The following SLC16A12 variants were observed in gnomAD, a reference collection of about 807,000 sequenced individuals.
SLC16A12 encodes monocarboxylate transporter 12.
In SLC16A12, 17 loss-of-function variants were observed where a neutral mutation model predicts 42.4. The observed-to-expected ratio is 0.40, with a 90% CI of 0.27 to 0.60. The LOEUF (loss-of-function observed/expected upper bound fraction) is 0.60. SLC16A12 is among the 20% of genes least tolerant of loss of function. The pLI, the probability that SLC16A12 is intolerant of heterozygous loss-of-function variation, is 0.42. For synonymous variants in SLC16A12, 224 were observed against 229.4 expected (o/e 0.98, Z 0.21); for missense variants, 544 against 623.0 (o/e 0.87, Z 1.35).
intron 2 of SLC16A12, among the ~76,000 whole-genome samples, chr10:89,472,487 CTTTTTTTTTTTT>C (rs71022567): frequency 1.0e-4 from 9 of 89,896 alleles, no homozygotes; most frequent in African/African-American, 2.5e-4. Context: ...TCTTTTCTTT[CTTTTTTTTTTTT>C]TTTTTTTTTT....
chr10:89,537,165 T>TA (rs1186991213), upstream of SLC16A12, among the ~76,000 whole-genome samples: 16,161 of 144,906 alleles, frequency 0.11, 1,823 homozygotes, highest in African/African-American at 0.28. Context: ...TTTTTTTTTT[T>TA]GGGAAGGAGT....
chr10:89,503,345 A>G (rs1843015094), intron 2 of SLC16A12, among the ~76,000 whole-genome samples: 1 of 152,236 alleles, frequency 6.6e-6, no homozygotes, highest in Non-Finnish European at 1.5e-5. Flanking sequence ...AAACCCACAA[A>G]CAATGAATGC....
intron 2 of SLC16A12, among the ~76,000 whole-genome samples, chr10:89,525,219 T>C (rs1303604598): frequency 3.1e-5 from 1 of 32,758 alleles, no homozygotes; most frequent in Non-Finnish European, 5.1e-5. Flanking sequence ...AGACACCATA[T>C]CAAAAAAAAA....
intron 2 of SLC16A12, among the ~76,000 whole-genome samples, chr10:89,497,545 T>C (rs303181): frequency 0.24 from 36,533 of 152,032 alleles, 5,033 homozygotes; most frequent in Non-Finnish European, 0.32. Context: ...GAATTCTACA[T>C]GGTGTGGGGG....
intron 2 of SLC16A12, among the ~76,000 whole-genome samples, chr10:89,474,890 C>G (rs974928370): frequency 2.0e-5 from 3 of 152,210 alleles, no homozygotes; most frequent in Non-Finnish European, 2.9e-5. Context: ...GATTCTACCT[C>G]AGGTCTGATT....
chr10:89,478,253 T>C (rs114059099), intron 2 of SLC16A12, among the ~76,000 whole-genome samples: 3 of 152,078 alleles, frequency 2.0e-5, no homozygotes, highest in Non-Finnish European at 4.4e-5. Context: ...GATCTGACAG[T>C]GAAAGAACCA....
At chr10:89,489,487 T>C (rs1465550565) in intron 2 of SLC16A12, among the ~76,000 whole-genome samples, 1 of 152,084 alleles carries the variant, frequency 6.6e-6, no homozygotes, top group Non-Finnish European at 1.5e-5. Context: ...TACAGACTCA[T>C]GCCACTGTAC....
chr10:89,491,447 A>G (rs1353148853), intron 2 of SLC16A12, among the ~76,000 whole-genome samples: 1 of 152,158 alleles, frequency 6.6e-6, no homozygotes, highest in African/African-American at 2.4e-5. Context: ...AAGTGCGCAT[A>G]CCAAGTAAGA....
chr10:89,471,735 A>T (rs1304157043), intron 2 of SLC16A12, among the ~76,000 whole-genome samples: 1 of 152,190 alleles, frequency 6.6e-6, no homozygotes, highest in African/African-American at 2.4e-5. Flanking sequence ...TGGTTGTGTG[A>T]TATTTTCAGT....
At chr10:89,434,270 T>C (rs1477813136) in intron 7 of SLC16A12, among the ~76,000 whole-genome samples, 6 of 152,168 alleles carry the variant, frequency 3.9e-5, no homozygotes, top group Non-Finnish European at 7.4e-5. Context: ...GAAAGGTAAA[T>C]AAATAAGAAA....
intron 2 of SLC16A12, among the ~76,000 whole-genome samples, chr10:89,492,541 C>T (rs1842861487): frequency 6.6e-6 from 1 of 151,986 alleles, no homozygotes; most frequent in Admixed American, 6.6e-5. Flanking sequence ...GAGTTCGAGA[C>T]CAGCCTGATA....
chr10:89,486,667 A>G lies in SLC16A12; in HGVS notation c.-46-24043T>C, dbSNP rs201286740. The stretch of plus-strand genomic sequence containing the variant: ...AGAAAGAAAGAAAGAAAGAAAGAAA[A>G]GAAAGAAAGAAAGAAAAGAAAGAAA... On this transcript the variant is annotated intron_variant, in intron 2 of 7. Transcript: ENST00000371790. 4.0e-3 allele frequency among the ~76,000 whole-genome samples: 430 copies of G among 108,096 alleles called. 3 individuals carry two copies. The highest frequency in any genetic ancestry group is 0.014 in the East Asian group (53 of 3,800). The allele number at this position is 108,096 out of a possible 152,430, so 70.9% of individuals were successfully genotyped here.
chr10:89,442,815 G>A (rs1841934281), intron 4 of SLC16A12, among the ~76,000 whole-genome samples: 4 of 152,070 alleles, frequency 2.6e-5, no homozygotes. Flanking sequence ...AAAGAAATAT[G>A]AGTCAGTGCC....
chr10:89,496,711 A>G (rs529167484), intron 2 of SLC16A12, among the ~76,000 whole-genome samples: 2 of 152,328 alleles, frequency 1.3e-5, no homozygotes, highest in East Asian at 3.9e-4. Flanking sequence ...GGAGGTATGG[A>G]AAGAATTCTA....
intron 2 of SLC16A12, among the ~76,000 whole-genome samples, chr10:89,488,194 C>T (rs943829821): frequency 2.0e-5 from 3 of 151,840 alleles, no homozygotes; most frequent in African/African-American, 7.2e-5. Flanking sequence ...TCAATATATC[C>T]ATATAAGAAA....
In SLC16A12 at chr10:89,474,463, G is replaced by A. The variant is rs564688246; in HGVS notation, c.-46-11839C>T. 5.3e-5 allele frequency among the ~76,000 whole-genome samples: 8 copies of A among 152,286 alleles called. No homozygotes were observed. The South Asian group carries it at 1.7e-3, about 32-fold the overall frequency. ...CCCTCAAGTCATAAGAAATAAAAGTGTAAATAACTGTCACTAGTTTTTAAA... is the reference window on the plus strand; with the variant it reads ...CCCTCAAGTCATAAGAAATAAAAGTATAAATAACTGTCACTAGTTTTTAAA... On this transcript the variant is annotated intron_variant, in intron 2 of 7. Transcript: ENST00000371790.
At chr10:89,513,156 T>C (rs1173475971) in intron 2 of SLC16A12, among the ~76,000 whole-genome samples, 2 of 152,220 alleles carry the variant, frequency 1.3e-5, no homozygotes, top group South Asian at 2.1e-4. Flanking sequence ...TTTTATGTTA[T>C]GTACACTTAA....
intron 7 of SLC16A12, among the ~76,000 whole-genome samples, chr10:89,433,934 A>G (rs1841735656): frequency 6.6e-6 from 1 of 152,230 alleles, no homozygotes; most frequent in Non-Finnish European, 1.5e-5. Context: ...AAAACCGGGC[A>G]TATGATATGC....
upstream of SLC16A12, among the ~76,000 whole-genome samples, chr10:89,537,146 T>G (rs1489879853): frequency 2.6e-5 from 2 of 76,856 alleles, no homozygotes; most frequent in African/African-American, 8.5e-5. Context: ...CGTAGGTATG[T>G]TTTTTTTTTT....
Sources: allele counts gnomAD v4.1 joint callset (sites outside exome capture counted in the v4.1 genomes callset), GRCh38; gene constraint gnomAD v4.1.1; transcripts MANE v1.5; gene names NCBI Gene and HGNC (gene_info 2026-07-23, HGNC 2026-07-21).